FANCB: variants seen among roughly 807,000 people sequenced by gnomAD.
FANCB encodes the protein FA complementation group B, also known as Fanconi anemia group B protein.
In FANCB, 5 loss-of-function variants were observed where a neutral mutation model predicts 38.9. The observed-to-expected ratio is 0.13, with a 90% confidence interval of 0.07 to 0.27. The LOEUF (loss-of-function observed/expected upper bound fraction) is 0.27. Among genes scored for constraint, FANCB ranks in the 10% least tolerant of loss-of-function variants. The pLI, the probability that FANCB is intolerant of heterozygous loss-of-function variation, is 1.00. For synonymous variants in FANCB, 236 were observed against 215.4 expected (o/e 1.10, Z -0.84); for missense variants, 573 against 602.7 (o/e 0.95, Z 0.52).
At chrX:14,732,275 A>G in the FANCB span, among the ~76,000 whole-genome samples, 2 of 112,025 alleles carry the variant, frequency 1.8e-5, no homozygotes, top group East Asian at 5.6e-4. Context: ...TTCTTTATCC[A>G]GTCTATCATT....
the FANCB span, among the ~76,000 whole-genome samples, chrX:14,775,560 G>T: frequency 9.0e-6 from 1 of 111,376 alleles, no homozygotes; most frequent in Admixed American, 9.5e-5. Context: ...TGAAGTCTCA[G>T]CTTGAGCTTA....
chrX:14,820,280 T>C, the FANCB span, among the ~76,000 whole-genome samples: 1 of 111,468 alleles, frequency 9.0e-6, no homozygotes, highest in African/African-American at 3.3e-5. Context: ...CCCTTCTTGT[T>C]CCTCTGCCTG....
the FANCB span, among the ~76,000 whole-genome samples, chrX:14,698,323 A>G: frequency 9.0e-6 from 1 of 111,186 alleles, no homozygotes; most frequent in Non-Finnish European, 1.9e-5. Context: ...ATGAACTACT[A>G]AATTAATTTT....
chrX:14,870,587 ATG>A (rs1437007703), intron 1 of FANCB, among the ~76,000 whole-genome samples: 1 of 112,073 alleles, frequency 8.9e-6, no homozygotes, highest in East Asian at 2.8e-4. Context: ...ATTAAAACAG[ATG>A]TGTGTGTATA....
chrX:14,839,318 C>A (rs372123378), downstream of FANCB, among the ~76,000 whole-genome samples: 1,508 of 105,993 alleles, frequency 0.014, 34 homozygotes, highest in African/African-American at 0.046. Flanking sequence ...ACAACAACAA[C>A]AAAAAAAACG....
the FANCB span, among the ~76,000 whole-genome samples, chrX:14,710,780 C>T: frequency 3.6e-5 from 4 of 111,545 alleles, no homozygotes; most frequent in African/African-American, 1.3e-4. Flanking sequence ...TGGGTCAGCA[C>T]CTTCAATGTG....
At chrX:14,861,799 T>C (rs1298166487) in intron 3 of FANCB, among the ~76,000 whole-genome samples, 2 of 112,569 alleles carry the variant, frequency 1.8e-5, no homozygotes, top group Non-Finnish European at 3.8e-5. Context: ...TAATTATTTC[T>C]ACTCCCACTT....
chrX:14,843,459 A>G lies in FANCB; in HGVS notation c.*108T>C, dbSNP rs992299568. On this transcript the variant is annotated 3_prime_UTR_variant, in exon 10 of 10. Transcript: ENST00000650831. ...TCATCAAAACTAAAGTTTCTACTAC[A>G]GTAAGCCTCGGTGTTTATTTTTACA... 42 of 531,362 alleles carry G rather than the reference A, an allele frequency of 7.9e-5. No individual in the cohort carries two copies. Among genetic ancestry groups the G allele is most frequent in the Non-Finnish European group, 1.2e-4 (39 of 331,387 alleles). The allele number at this position is 531,362 out of a possible 1,213,427, so 43.8% of individuals were successfully genotyped here.
the FANCB span, among the ~76,000 whole-genome samples, chrX:14,813,122 A>G: frequency 9.2e-6 from 1 of 108,233 alleles, no homozygotes; most frequent in Non-Finnish European, 1.9e-5. Context: ...ACAACCCTTC[A>G]TGCTAAAAAC....
the FANCB span, among the ~76,000 whole-genome samples, chrX:14,789,832 C>G: frequency 3.6e-4 from 40 of 111,975 alleles, no homozygotes; most frequent in South Asian, 1.9e-3. Flanking sequence ...TCTGGTGATA[C>G]TGGAATAGTT....
rs956498867 is a variant in FANCB at position 14,859,208 on chromosome X, T to C, written c.1078A>G (p.Thr360Ala). The C allele has an allele frequency of 8.4e-7, 1 of 1,189,280 alleles. No homozygotes were observed. The highest frequency in any genetic ancestry group is 1.1e-6 in the Non-Finnish European group (1 of 876,065). The change falls in exon 4 of 10, where the codon ACG (threonine) becomes GCG (alanine). Residue 360 changes from threonine to alanine, a missense_variant. Physicochemically the swap from Thr to Ala is moderately conservative, Grantham distance 58. Coordinates refer to ENST00000650831, the MANE Select transcript of FANCB (RefSeq NM_001018113.3). The part of the protein sequence containing the change: ...NSDCLTSFKI[T>A]DLGKINYSSE... Reference sequence around the variant, plus strand: ...GAATAGTTTATTTTTCCAAGATCCGTTATTTTAAATGAAGTCAGGCAGTCT... The same window carrying C: ...GAATAGTTTATTTTTCCAAGATCCGCTATTTTAAATGAAGTCAGGCAGTCT...
chrX:14,834,890 G>A (rs1464639877), downstream of FANCB: 1 of 669,590 alleles, frequency 1.5e-6, no homozygotes, highest in South Asian at 2.2e-5. Flanking sequence ...CACTTCCAGG[G>A]ACCAACTGCT....
chrX:14,708,645 A>G, the FANCB span, among the ~76,000 whole-genome samples: 1 of 111,734 alleles, frequency 8.9e-6, no homozygotes, highest in Non-Finnish European at 1.9e-5. Flanking sequence ...GGGAGAAAAG[A>G]GAGACATCAG....
chrX:14,711,317 C>T, the FANCB span, among the ~76,000 whole-genome samples: 2 of 112,295 alleles, frequency 1.8e-5, no homozygotes, highest in Non-Finnish European at 3.8e-5. Flanking sequence ...TATCCAGTGA[C>T]CCAGGGACAA....
the FANCB span, among the ~76,000 whole-genome samples, chrX:14,738,061 A>G: frequency 8.9e-6 from 1 of 111,933 alleles, no homozygotes; most frequent in South Asian, 3.7e-4. Context: ...CAGTCCTCCC[A>G]TTAGAAAACT....
intron 7 of FANCB, among the ~76,000 whole-genome samples, chrX:14,849,470 T>C (rs1480168019): frequency 8.9e-6 from 1 of 111,951 alleles, no homozygotes; most frequent in Non-Finnish European, 1.9e-5. Flanking sequence ...CTGGTTTCTC[T>C]GCGTACCCGT....
chrX:14,725,531 C>T, the FANCB span, among the ~76,000 whole-genome samples: 3 of 111,750 alleles, frequency 2.7e-5, no homozygotes, highest in African/African-American at 6.5e-5. Flanking sequence ...GTGAGAAATG[C>T]GATGGAAAGA....
chrX:14,813,745 A>G, the FANCB span, among the ~76,000 whole-genome samples: 1 of 111,853 alleles, frequency 8.9e-6, no homozygotes. Flanking sequence ...AAATGGCCAT[A>G]CTGCCCAAGG....
the FANCB span, among the ~76,000 whole-genome samples, chrX:14,804,008 A>G: frequency 9.0e-6 from 1 of 111,626 alleles, no homozygotes; most frequent in South Asian, 3.8e-4. Context: ...GGATGTGGAG[A>G]AATAGGAACA....
Sources: allele counts gnomAD v4.1 joint callset (sites outside exome capture counted in the v4.1 genomes callset), GRCh38; gene constraint gnomAD v4.1.1; transcripts MANE v1.5; gene names NCBI Gene and HGNC (gene_info 2026-07-23, HGNC 2026-07-21).